AMOTL1: variants seen among roughly 807,000 people sequenced by gnomAD.
The protein encoded by AMOTL1 is angiomotin-like protein 1.
Under a neutral mutation model 102.9 loss-of-function variants are expected in AMOTL1, and 45 were observed. That is an observed-to-expected ratio of 0.44 (90% CI 0.34 to 0.56). The LOEUF (loss-of-function observed/expected upper bound fraction) is 0.56, where lower values mean the gene tolerates loss of function less well. Ranked by LOEUF, AMOTL1 falls within the 20% of genes least tolerant of loss-of-function variation. The pLI is 0.01. For synonymous variants in AMOTL1, 481 were observed against 484.7 expected (o/e 0.99, Z 0.10); for missense variants, 1,114 against 1,225.6 (o/e 0.91, Z 1.36).
rs566512220 is a variant in AMOTL1, at chr11:94,783,926, G to GT, written c.50-11074dup. On this transcript the variant is annotated intron_variant, in intron 1 of 12. Transcript: ENST00000433060. ...TCCTACTATCACATGTATCTGTTTT[G>GT]TTTTTTTTTTTCTGTGAATGCTTTG... Among the ~76,000 whole-genome samples, 1,078 of 144,778 alleles carry GT rather than the reference G, an allele frequency of 7.4e-3. 18 individuals are homozygous for GT. The highest frequency in any genetic ancestry group is 0.041 in the South Asian group (185 of 4,556). The allele number at this position is 144,778 out of a possible 152,430, so 95.0% of individuals were successfully genotyped here.
At chr11:94,721,940 T>C (rs957163154) in intron 1 of AMOTL1, among the ~76,000 whole-genome samples, 1 of 152,162 alleles carries the variant, frequency 6.6e-6, no homozygotes, top group East Asian at 1.9e-4. Context: ...GTCAATATCC[T>C]ATTCTTGGCT....
intron 3 of AMOTL1, among the ~76,000 whole-genome samples, chr11:94,746,195 T>C (rs7113554): frequency 0.14 from 21,983 of 152,132 alleles, 3,361 homozygotes; most frequent in African/African-American, 0.37. Context: ...AATGCTGTAT[T>C]GAAGTGTCAT....
intron 3 of AMOTL1, among the ~76,000 whole-genome samples, chr11:94,816,733 T>G (rs1591995796): frequency 6.6e-6 from 1 of 152,160 alleles, no homozygotes; most frequent in African/African-American, 2.4e-5. Context: ...CAAGTCCTCT[T>G]CAGTCTTAAA....
intron 6 of AMOTL1, among the ~76,000 whole-genome samples, chr11:94,846,373 C>T (rs905312738): frequency 2.6e-5 from 4 of 152,302 alleles, no homozygotes; most frequent in South Asian, 2.1e-4. Flanking sequence ...CCAGTGTTAT[C>T]GAAGTTGACA....
intron 1 of AMOTL1, among the ~76,000 whole-genome samples, chr11:94,792,259 G>C (rs1483336525): frequency 6.6e-6 from 1 of 152,174 alleles, no homozygotes; most frequent in Non-Finnish European, 1.5e-5. Context: ...TCATAGGTGG[G>C]AATTGAACAA....
At chr11:94,854,932 A>G (rs903703733) in intron 8 of AMOTL1, among the ~76,000 whole-genome samples, 2 of 152,180 alleles carry the variant, frequency 1.3e-5, no homozygotes, top group Admixed American at 6.5e-5. Context: ...CTGAGCATGT[A>G]ACTCAGCTAT....
chr11:94,867,690 C>G (rs1163419888), intron 11 of AMOTL1, among the ~76,000 whole-genome samples: 2 of 152,192 alleles, frequency 1.3e-5, no homozygotes, highest in African/African-American at 2.4e-5. Flanking sequence ...CTGATAGGCT[C>G]TGGAAGGAGG....
At chr11:94,707,238 CTCTCTCTCTCTCTGTGTGTGTG>C (rs767819840) in intron 1 of AMOTL1, among the ~76,000 whole-genome samples, 12 of 82,896 alleles carry the variant, frequency 1.4e-4, no homozygotes, top group Non-Finnish European at 3.6e-4. Flanking sequence ...CTCTCTCTCT[CTCTCTCTCTCTCTGTGTGTGTG>C]TGTGTGTGTG....
intron 2 of AMOTL1, among the ~76,000 whole-genome samples, chr11:94,735,530 C>A (rs1463149350): frequency 6.6e-6 from 1 of 152,104 alleles, no homozygotes; most frequent in East Asian, 1.9e-4. Context: ...TAAGACTTTT[C>A]TTCTATGACT....
intron 2 of AMOTL1, among the ~76,000 whole-genome samples, chr11:94,731,251 A>G (rs1269712740): frequency 6.6e-6 from 1 of 152,238 alleles, no homozygotes; most frequent in East Asian, 1.9e-4. Context: ...ATCAGTCTAT[A>G]TCCTGCAAAT....
chr11:94,825,324 C>A (rs997567740), intron 4 of AMOTL1, among the ~76,000 whole-genome samples: 1 of 152,198 alleles, frequency 6.6e-6, no homozygotes, highest in Non-Finnish European at 1.5e-5. Context: ...GTGGCTTGCA[C>A]AGCAGGCCTT....
intron 8 of AMOTL1, among the ~76,000 whole-genome samples, chr11:94,855,513 G>C (rs1952644427): frequency 6.6e-6 from 1 of 152,176 alleles, no homozygotes; most frequent in Admixed American, 6.5e-5. Flanking sequence ...TCCAGGTACA[G>C]CACTGGCCCA....
chr11:94,859,365 G>A (rs183335995), intron 8 of AMOTL1, among the ~76,000 whole-genome samples, 160 bp from the exon 9 acceptor site: 3 of 152,298 alleles, frequency 2.0e-5, no homozygotes, highest in Non-Finnish European at 4.4e-5. Flanking sequence ...GTTTTGCAGA[G>A]CGCCATGAGA....
At chr11:94,853,895 T>C (rs967199273) in intron 7 of AMOTL1, 38 bp from the exon 8 acceptor site, 1 of 1,590,566 alleles carries the variant, frequency 6.3e-7, no homozygotes, top group Non-Finnish European at 8.6e-7. Flanking sequence ...GAATCAGTGG[T>C]CTAAATTCTG....
At chr11:94,835,284 G>A (rs747477990) in intron 6 of AMOTL1, among the ~76,000 whole-genome samples, 14 of 152,156 alleles carry the variant, frequency 9.2e-5, no homozygotes, top group Admixed American at 7.9e-4. Context: ...TGAGAAACTC[G>A]GGCTTCTTTG....
At position 94,733,692 on chromosome 11, in the gene AMOTL1, T is replaced by G. The variant is rs746563541; in HGVS notation, c.85+4637T>G. 5.8e-4 allele frequency among the ~76,000 whole-genome samples: 88 copies of G among 152,260 alleles called. 2 individuals are homozygous for G. The highest frequency in any genetic ancestry group is 3.2e-4 in the Non-Finnish European group (22 of 68,054). On this transcript the variant is annotated intron_variant, in intron 2 of 4. Coordinates refer to the AMOTL1 transcript ENST00000299004. Reference sequence around the variant, plus strand: ...AAACTCACATTTATCCTACAGATTTTGTTTTTTAATAGTTTAGTCATAGAT... The same window carrying G: ...AAACTCACATTTATCCTACAGATTTGGTTTTTTAATAGTTTAGTCATAGAT...
At chr11:94,802,645 G>A (rs779180895) in intron 3 of AMOTL1, among the ~76,000 whole-genome samples, 4 of 152,170 alleles carry the variant, frequency 2.6e-5, no homozygotes, top group Admixed American at 6.5e-5. Context: ...TTAATATGAC[G>A]CATCAAATGT....
chr11:94,723,018 A>G (rs539665235), intron 1 of AMOTL1, among the ~76,000 whole-genome samples: 7 of 152,246 alleles, frequency 4.6e-5, no homozygotes, highest in African/African-American at 1.7e-4. Context: ...TACTGGCAGA[A>G]GTTAATGACA....
chr11:94,752,874 G>A (rs1950674471), intron 3 of AMOTL1, among the ~76,000 whole-genome samples: 2 of 152,194 alleles, frequency 1.3e-5, no homozygotes, highest in African/African-American at 4.8e-5. Flanking sequence ...CTACTGCTGG[G>A]ATCTGTAAAC....
Sources: allele counts gnomAD v4.1 joint callset (sites outside exome capture counted in the v4.1 genomes callset), GRCh38; gene constraint gnomAD v4.1.1; transcripts MANE v1.5; gene names NCBI Gene and HGNC (gene_info 2026-07-23, HGNC 2026-07-21).